The following PHLPP1 variants were observed in gnomAD, a reference collection of about 807,000 sequenced individuals.
The protein encoded by PHLPP1 is PH domain leucine-rich repeat-containing protein phosphatase 1.
Under a neutral mutation model 117.2 loss-of-function variants are expected in PHLPP1, and 42 were observed. That is an observed-to-expected ratio of 0.36 (90% confidence interval 0.28 to 0.46). The LOEUF (loss-of-function observed/expected upper bound fraction) is 0.46, where lower values mean the gene tolerates loss of function less well. Among genes scored for constraint, PHLPP1 ranks in the 20% least tolerant of loss-of-function variants. The pLI is 1.00. For synonymous variants in PHLPP1, 1,042 were observed against 970.7 expected (o/e 1.07, Z -1.37); for missense variants, 2,084 against 2,241.9 (o/e 0.93, Z 1.42).
chr18:62,946,690 A>T (rs1399949815), intron 12 of PHLPP1, among the ~76,000 whole-genome samples: 1 of 152,174 alleles, frequency 6.6e-6, no homozygotes, highest in Non-Finnish European at 1.5e-5. Context: ...AAGCCACAAA[A>T]TGTTTTACTT....
At chr18:62,796,567 T>C (rs1367843311) in intron 1 of PHLPP1, among the ~76,000 whole-genome samples, 1 of 152,236 alleles carries the variant, frequency 6.6e-6, no homozygotes, top group Non-Finnish European at 1.5e-5. Flanking sequence ...TGCCAGATAG[T>C]TTATGAACTT....
At chr18:62,742,136 C>T (rs1911547228) in intron 1 of PHLPP1, among the ~76,000 whole-genome samples, 1 of 152,114 alleles carries the variant, frequency 6.6e-6, no homozygotes, top group Admixed American at 6.5e-5. Flanking sequence ...TTGTCTTTTT[C>T]AAGGACAGGT....
At chr18:62,865,625 C>G (rs1915752746) in intron 4 of PHLPP1, among the ~76,000 whole-genome samples, 1 of 152,184 alleles carries the variant, frequency 6.6e-6, no homozygotes, top group Non-Finnish European at 1.5e-5. Flanking sequence ...TTCATCCAGA[C>G]TATCAACCCA....
intron 3 of PHLPP1, among the ~76,000 whole-genome samples, chr18:62,853,986 A>G (rs1915430661): frequency 6.6e-6 from 1 of 152,246 alleles, no homozygotes; most frequent in African/African-American, 2.4e-5. Flanking sequence ...TCTATAAGAC[A>G]GGACTTAGTC....
At chr18:62,724,042 G>T (rs1437127153) in intron 1 of PHLPP1, among the ~76,000 whole-genome samples, 2 of 152,050 alleles carry the variant, frequency 1.3e-5, no homozygotes, top group South Asian at 2.1e-4. Flanking sequence ...TTATGGACTT[G>T]GACCTAATGT....
rs554721685 is a variant in PHLPP1 at position 62,901,350 on chromosome 18, T to A, written c.2445-1614T>A. On this transcript the variant is annotated intron_variant, in intron 6 of 16. Transcript: ENST00000262719. The stretch of plus-strand genomic sequence containing the variant: ...ATTTGGAAATAAGCAGATTGCTGGG[T>A]CAAGGCCAGTTTTTAAATCTTACAA... Among the ~76,000 whole-genome samples the A allele has an allele frequency of 2.6e-5, 4 of 152,200 alleles. 1 individual carries two copies. Among genetic ancestry groups the A allele is most frequent in the African/African-American group, 9.6e-5 (4 of 41,536 alleles).
chr18:62,770,601 G>A (rs566125285), intron 1 of PHLPP1, among the ~76,000 whole-genome samples: 277 of 152,306 alleles, frequency 1.8e-3, no homozygotes, highest in African/African-American at 6.5e-3. Context: ...TATTGGTGAT[G>A]CATCGGTTCT....
chr18:62,888,350 T>C (rs966538382), intron 4 of PHLPP1, among the ~76,000 whole-genome samples: 1 of 151,026 alleles, frequency 6.6e-6, no homozygotes, highest in African/African-American at 2.4e-5. Context: ...TTTTTTTTCT[T>C]TTTAAAACCA....
intron 4 of PHLPP1, chr18:62,889,643 G>A (rs1173794590): frequency 1.3e-5 from 2 of 152,246 alleles, no homozygotes; most frequent in African/African-American, 2.4e-5. Flanking sequence ...AGGGCACATG[G>A]GTGCACACAC....
Sources: gnomAD v4.1 joint callset for allele counts (sites outside exome capture counted in the v4.1 genomes callset) on GRCh38, gnomAD v4.1.1 for gene constraint, MANE v1.5 for transcripts, NCBI Gene and HGNC (gene_info 2026-07-23, HGNC 2026-07-21) for gene names.